Variants in APOL3 observed in about 807,000 individuals in gnomAD.
The protein encoded by APOL3 is TNF-inducible protein CG12-1.
APOL3 carries 14 observed loss-of-function variants against 11.6 expected under a neutral mutation model. The ratio of observed to expected loss-of-function variants is 1.21; its 90% CI spans 0.80 to 1.89. APOL3 has a LOEUF of 1.89. Ranked by LOEUF, APOL3 falls within the 40% of genes most tolerant of loss-of-function variation. The pLI, the probability that APOL3 is intolerant of heterozygous loss-of-function variation, is 0.00. For synonymous variants in APOL3, 192 were observed against 190.6 expected, an observed-to-expected ratio of 1.01 and a Z score of -0.06; for missense variants, 483 against 492.1, an observed-to-expected ratio of 0.98 and a Z score of 0.17.
chr22:36,155,963 A>T, intron 1 of APOL3: 1 of 245,924 alleles, frequency 4.1e-6, no homozygotes, highest in South Asian at 1.0e-4. Context: ...CTCAGCTCTG[A>T]GCCAAGCTCT....
chr22:36,159,622 T>A (rs2013464872), intron 1 of APOL3: 1 of 152,234 alleles, frequency 6.6e-6, no homozygotes. Flanking sequence ...TGCCCCTGTC[T>A]GGGCCATCTT....
Position 36,144,942 on chromosome 22 carries a change from C to T in APOL3, c.350+531G>A, listed in dbSNP as rs541792351. ...AGGAGAATGGCGTGAAACCGGGAGG[C>T]GGAGGTTGCGGTGGGCCGAGATCAT... On this transcript the variant is annotated intron_variant, in intron 2 of 2. Coordinates refer to ENST00000349314, the Ensembl canonical transcript of APOL3. Among the ~76,000 whole-genome samples the T allele has an allele frequency of 2.3e-3, 305 of 134,548 alleles. 2 individuals are homozygous for T. Among genetic ancestry groups the T allele is most frequent in the African/African-American group, 7.9e-3 (288 of 36,538 alleles). 88.3% of individuals were successfully genotyped at this position (134,548 alleles called of 152,430 possible). A position where few individuals can be genotyped will look rare whatever the true frequency, so the allele number is the denominator to read the frequency against.
chr22:36,154,186 T>C (rs33999668), intron 1 of APOL3, among the ~76,000 whole-genome samples: 6,489 of 152,306 alleles, frequency 0.043, 167 homozygotes, highest in Middle Eastern at 0.095. Flanking sequence ...TTTCCCTTCA[T>C]GGCCTGAACC....
At chr22:36,164,471 G>A (rs1450667333), upstream of APOL3, 5 of 152,136 alleles carry the variant, frequency 3.3e-5, no homozygotes, top group Non-Finnish European at 7.3e-5. Context: ...TCTTCATTGA[G>A]GATGAGGCCA....
At chr22:36,141,266 C>T in exon 3 of APOL3, 1 of 1,614,156 alleles carries the variant, frequency 6.2e-7, no homozygotes. Context: ...TCTCCTCCAG[C>T]TCCTGAGCCT....
At chr22:36,154,238 A>T (rs1387350544) in intron 1 of APOL3, among the ~76,000 whole-genome samples, 2 of 152,184 alleles carry the variant, frequency 1.3e-5, no homozygotes, top group Admixed American at 6.5e-5. Context: ...CTGAGGAGGA[A>T]GTCCTTTAAA....
At chr22:36,159,204 T>A (rs2013395846) in intron 1 of APOL3, 1 of 152,218 alleles carries the variant, frequency 6.6e-6, no homozygotes, top group African/African-American at 2.4e-5. Context: ...CCTGCAGGCA[T>A]CTGGGCTGCA....
intron 2 of APOL3, among the ~76,000 whole-genome samples, chr22:36,142,321 C>G (rs969338498): frequency 6.6e-6 from 1 of 152,084 alleles, no homozygotes; most frequent in Non-Finnish European, 1.5e-5. Flanking sequence ...GGTAGGTATT[C>G]GATAAAGATG....
At chr22:36,152,947 A>G (rs1358782951) in intron 1 of APOL3, among the ~76,000 whole-genome samples, 3 of 152,208 alleles carry the variant, frequency 2.0e-5, no homozygotes, top group Non-Finnish European at 2.9e-5. Context: ...TGTCTCTACT[A>G]AAAAAATGAA....
chr22:36,153,149 G>A (rs1400385915), intron 1 of APOL3: 1 of 169,830 alleles, frequency 5.9e-6, no homozygotes, highest in East Asian at 1.6e-4. Flanking sequence ...ATCAAAATTA[G>A]CTGCTTTTAA....
At chr22:36,145,492 T>C (rs753779487) in exon 2 of APOL3, 1 of 1,614,080 alleles carries the variant, frequency 6.2e-7, no homozygotes, top group South Asian at 1.1e-5. Context: ...TCAGCCGCAG[T>C]CACGAATCTC....
chr22:36,141,874 C>G, exon 3 of APOL3: 1 of 1,614,220 alleles, frequency 6.2e-7, no homozygotes, highest in Non-Finnish European at 8.5e-7. Context: ...CTGTGGACCT[C>G]TTCAATACCA....
upstream of APOL3, chr22:36,165,596 T>C (rs550831848): frequency 2.0e-5 from 3 of 152,318 alleles, no homozygotes; most frequent in South Asian, 6.2e-4. Context: ...CGATGCTCAT[T>C]TGATTTACAA....
intron 1 of APOL3, among the ~76,000 whole-genome samples, chr22:36,153,109 C>T (rs1190003691): frequency 6.6e-6 from 1 of 150,580 alleles, no homozygotes; most frequent in Non-Finnish European, 1.5e-5. Flanking sequence ...GAAATTCTGT[C>T]TCAGAAAATA....
In APOL3 at chr22:36,158,066, A is replaced by G. The variant is rs569936409; in HGVS notation, c.223+2603T>C. Among the ~76,000 whole-genome samples, 3 of 152,322 alleles carry G rather than the reference A, an allele frequency of 2.0e-5. No homozygotes were observed. In the East Asian group the frequency reaches 5.8e-4, roughly 29 times the overall value. On this transcript the variant is annotated intron_variant, in intron 1 of 2. Transcript: ENST00000349314. ...CTCCATCTCATAAATAAATAAATAA[A>G]TAAATAAAATTTAAAAATGGGTAAA... is the stretch of plus-strand genomic sequence containing the variant.
At chr22:36,159,208 G>A (rs895783397) in intron 1 of APOL3, 2 of 152,164 alleles carry the variant, frequency 1.3e-5, no homozygotes, top group African/African-American at 4.8e-5. Context: ...CAGGCATCTG[G>A]GCTGCAATGT....
exon 1 of APOL3, chr22:36,166,160 C>T (rs1312748007): frequency 6.6e-6 from 1 of 152,192 alleles, no homozygotes; most frequent in African/African-American, 2.4e-5. Context: ...TGTGGTTGTA[C>T]CCTCCTTTCC....
At chr22:36,145,009 CAAAAAAAAAAAAAAAAGAA>C (rs1169194371) in intron 2 of APOL3, among the ~76,000 whole-genome samples, 1 of 37,936 alleles carries the variant, frequency 2.6e-5, no homozygotes, top group African/African-American at 5.7e-5. Context: ...GACTCTGTCT[CAAAAAAAAAAAAAAAAGAA>C]AAAAAAAGAA....
upstream of APOL3, among the ~76,000 whole-genome samples, chr22:36,162,042 C>G (rs1167203152): frequency 6.6e-6 from 1 of 152,184 alleles, no homozygotes; most frequent in Non-Finnish European, 1.5e-5. Flanking sequence ...TACCCACATC[C>G]CGCATTCATG....
Sources: gnomAD v4.1 joint callset for allele counts (sites outside exome capture counted in the v4.1 genomes callset) on GRCh38, gnomAD v4.1.1 for gene constraint, MANE v1.5 for transcripts, NCBI Gene and HGNC (gene_info 2026-07-23, HGNC 2026-07-21) for gene names.